NEK10: variants seen among roughly 807,000 people sequenced by gnomAD.
The protein encoded by NEK10 is serine/threonine-protein kinase Nek10.
A neutral mutation model predicts 159.8 loss-of-function variants in NEK10; 122 were observed. The observed-to-expected ratio is 0.76, with a 90% CI of 0.66 to 0.89. The LOEUF is 0.89. NEK10 is among the 40% of genes least tolerant of loss of function. The pLI, the probability that NEK10 is intolerant of heterozygous loss-of-function variation, is 0.00. For missense variants in NEK10, 1,342 were observed against 1,323.1 expected, an observed-to-expected ratio of 1.01 and a Z score of -0.22; for synonymous variants, 466 against 457.1, an observed-to-expected ratio of 1.02 and a Z score of -0.25.
intron 26 of NEK10, among the ~76,000 whole-genome samples, chr3:27,184,709 T>C (rs1948454727): frequency 6.6e-6 from 1 of 152,226 alleles, no homozygotes; most frequent in South Asian, 2.1e-4. Context: ...TTTCTCTTCC[T>C]ACATCATTAC....
intron 23 of NEK10, among the ~76,000 whole-genome samples, chr3:27,246,087 G>A (rs1326076648): frequency 1.3e-5 from 2 of 152,174 alleles, no homozygotes; most frequent in African/African-American, 4.8e-5. Flanking sequence ...GATAAAAGAA[G>A]CAAGGACTTC....
chr3:27,354,408 A>G (rs2048185054), intron 1 of NEK10, among the ~76,000 whole-genome samples: 1 of 152,210 alleles, frequency 6.6e-6, no homozygotes, highest in South Asian at 2.1e-4. Context: ...AAGGCTGAAT[A>G]TAAATGACTC....
intron 20 of NEK10, 54 bp downstream of exon 20, chr3:27,287,644 A>G: frequency 6.5e-7 from 1 of 1,532,734 alleles, no homozygotes; most frequent in Non-Finnish European, 8.8e-7. Context: ...ATACAAAAAT[A>G]TATGTGACAA....
chr3:27,310,070 T>A (rs1180196600), intron 9 of NEK10: 1 of 152,132 alleles, frequency 6.6e-6, no homozygotes, highest in Admixed American at 6.5e-5. Flanking sequence ...CTAAGGTAAT[T>A]TTTATGTTTC....
intron 32 of NEK10, among the ~76,000 whole-genome samples, chr3:27,120,975 G>A (rs1362142030): frequency 6.6e-6 from 1 of 152,068 alleles, no homozygotes; most frequent in Non-Finnish European, 1.5e-5. Context: ...CTTTGTTTAT[G>A]AGTTAAAATA....
intron 20 of NEK10, among the ~76,000 whole-genome samples, chr3:27,285,408 GTCTGA>G (rs2042506418): frequency 6.6e-6 from 1 of 151,924 alleles, no homozygotes; most frequent in Non-Finnish European, 1.5e-5. Context: ...TTGTTTCATA[GTCTGA>G]TAGATTTACC....
chr3:27,334,120 C>T (rs1021991349), intron 5 of NEK10, among the ~76,000 whole-genome samples: 4 of 152,182 alleles, frequency 2.6e-5, no homozygotes. Context: ...GATTGCCCAG[C>T]CTAGTCTACC....
chr3:27,141,585 G>A lies in NEK10; in HGVS notation c.2870-3C>T. On this transcript the variant is annotated splice_polypyrimidine_tract_variant and splice_region_variant and intron_variant, in intron 30 of 35. Transcript: ENST00000691995. The stretch of plus-strand genomic sequence containing the variant: ...GGACACAGCAATTCCTGCTGATGCT[G>A]TGGGTGATAAATTTTGTAGTTAGTC... 1.2e-6 allele frequency: 2 copies of A among 1,608,632 alleles called. No homozygotes were observed. The highest frequency in any genetic ancestry group is 2.2e-5 in the South Asian group (2 of 90,254).
At chr3:27,286,348 A>G (rs1432247364) in intron 20 of NEK10, among the ~76,000 whole-genome samples, 1 of 150,324 alleles carries the variant, frequency 6.7e-6, no homozygotes, top group African/African-American at 2.4e-5. Context: ...AGCCTCCCAA[A>G]GTGGTGGGAT....
intron 22 of NEK10, among the ~76,000 whole-genome samples, chr3:27,258,601 C>T (rs1449853569): frequency 2.0e-5 from 3 of 152,132 alleles, no homozygotes; most frequent in African/African-American, 7.2e-5. Flanking sequence ...GCCACATTTC[C>T]TTAATCCAGT....
At chr3:27,186,557 A>G (rs1319595697) in intron 26 of NEK10, among the ~76,000 whole-genome samples, 1 of 152,166 alleles carries the variant, frequency 6.6e-6, no homozygotes, top group Non-Finnish European at 1.5e-5. Context: ...ATGGAGATAC[A>G]CGGAGAGTTT....
intron 6 of NEK10, among the ~76,000 whole-genome samples, chr3:27,317,118 C>T (rs1360730625): frequency 6.6e-6 from 1 of 152,222 alleles, no homozygotes; most frequent in African/African-American, 2.4e-5. Flanking sequence ...ATTTAACCTT[C>T]ATTTATGAAA....
intron 13 of NEK10, among the ~76,000 whole-genome samples, chr3:27,300,782 TCAAACA>T: frequency 1.3e-5 from 2 of 152,156 alleles, no homozygotes; most frequent in African/African-American, 4.8e-5. Context: ...TGGGGAGTCT[TCAAACA>T]GTAAACCCCC....
At chr3:27,299,278 C>G (rs1046799752) in intron 13 of NEK10, among the ~76,000 whole-genome samples, 5 of 152,316 alleles carry the variant, frequency 3.3e-5, no homozygotes, top group African/African-American at 1.2e-4. Context: ...CAAGGTACAG[C>G]TTAGGCTGTT....
Position 27,291,362 on chromosome 3 carries a change from T to C in NEK10, c.1505A>G (p.Asn502Ser), listed in dbSNP as rs1414696918. 1.2e-6 allele frequency: 2 copies of C among 1,611,976 alleles called. No individual in the cohort carries two copies. Among genetic ancestry groups the C allele is most frequent in the East Asian group, 4.5e-5 (2 of 44,872 alleles). The change falls in exon 18 of 36, where the codon AAT becomes AGT. Residue 502 changes from asparagine to serine, a missense_variant. By Grantham distance (46) the Asn-to-Ser change is conservative (BLOSUM62 1). Transcript: ENST00000691995. ...TTTGTTCTGATTAATGCTTTCAATA[T>C]TTTCAGCAATTTGCTTCAGTTCATC... ...VEDELKQIAENIESINQNKAP... is the reference protein window; with the variant it reads ...VEDELKQIAESIESINQNKAP...
chr3:27,145,602 T>A (rs1417134024), intron 30 of NEK10, among the ~76,000 whole-genome samples: 1 of 152,146 alleles, frequency 6.6e-6, no homozygotes, highest in African/African-American at 2.4e-5. Context: ...GTCCTTCTTT[T>A]TTAGCAAGAA....
rs1939132062 is a variant in NEK10, at chr3:27,107,675, C to A, written c.*3597G>T. Among the ~76,000 whole-genome samples, 1 of 152,142 alleles carries A rather than the reference C, an allele frequency of 6.6e-6. No individual in the cohort carries two copies. The highest frequency in any genetic ancestry group is 1.5e-5 in the Non-Finnish European group (1 of 68,014). ...GCATTAAGCTTCCCTTACGTTGGAG[C>A]CCTTCATAGCTGTAACTCCAGGGTG... On this transcript the variant is annotated 3_prime_UTR_variant, in exon 36 of 36. Transcript: ENST00000691995.
At position 27,162,691 on chromosome 3, in the gene NEK10, A is replaced by G; in HGVS notation, c.2869+10T>C. 2 of 1,614,080 alleles carry G rather than the reference A, an allele frequency of 1.2e-6. No individual in the cohort carries two copies. Among genetic ancestry groups the G allele is most frequent in the Non-Finnish European group, 1.7e-6 (2 of 1,179,972 alleles). On this transcript the variant is annotated intron_variant, in intron 30 of 35. Coordinates refer to ENST00000691995, the MANE Select transcript of NEK10 (RefSeq NM_001394966.1). Reference sequence around the variant, plus strand: ...TGTGTTTGATTTTATTGCTACCAACACTAAGTTACCTGGTCTTGGTCTTGA... The same window carrying G: ...TGTGTTTGATTTTATTGCTACCAACGCTAAGTTACCTGGTCTTGGTCTTGA...
intron 32 of NEK10, among the ~76,000 whole-genome samples, chr3:27,121,897 C>T (rs1559481048): frequency 2.0e-5 from 3 of 152,002 alleles, no homozygotes; most frequent in African/African-American, 7.3e-5. Flanking sequence ...GTTCATAAAA[C>T]TTCATGAGGC....
Sources: allele counts gnomAD v4.1 joint callset (sites outside exome capture counted in the v4.1 genomes callset), GRCh38; gene constraint gnomAD v4.1.1; transcripts MANE v1.5; gene names NCBI Gene and HGNC (gene_info 2026-07-23, HGNC 2026-07-21).